Variants in TEX14 observed in about 807,000 individuals in gnomAD.
The protein encoded by TEX14 is testis expressed 14, intercellular bridge forming factor, also known as inactive serine/threonine-protein kinase TEX14.
In TEX14, 168 loss-of-function variants were observed where a neutral mutation model predicts 178.6. The ratio of observed to expected loss-of-function variants is 0.94; its 90% CI spans 0.83 to 1.07. TEX14 has a LOEUF of 1.07. Ranked by LOEUF, TEX14 falls within the 50% of genes least tolerant of loss-of-function variation. TEX14 has a pLI of 0.00. For synonymous variants in TEX14, 626 were observed against 634.1 expected, an observed-to-expected ratio of 0.99 and a Z score of 0.19; for missense variants, 1,730 against 1,753.6, an observed-to-expected ratio of 0.99 and a Z score of 0.24.
intron 1 of TEX14, among the ~76,000 whole-genome samples, chr17:58,654,882 T>C (rs1474849129): frequency 1.3e-5 from 2 of 151,914 alleles, no homozygotes; most frequent in Non-Finnish European, 1.5e-5. Flanking sequence ...CATTCTGTCC[T>C]AGAACACCCT....
rs780272938 is a variant in TEX14 at position 58,598,932 on chromosome 17, C to A, written c.2413G>T (p.Gly805Cys). 2 of 1,613,914 alleles carry A rather than the reference C, an allele frequency of 1.2e-6. No homozygotes were observed. The highest frequency in any genetic ancestry group is 1.7e-6 in the Non-Finnish European group (2 of 1,179,940). The change falls in exon 14 of 32, where the codon GGT (glycine) becomes TGT (cysteine). Residue 805 changes from glycine (G) to cysteine (C), a missense_variant. Gly to Cys is a radical substitution (Grantham distance 159, BLOSUM62 -3). Transcript: ENST00000349033. ...TTGCCACTGGTGTCTGGCTTCTGAC[C>A]CCCTGAAAGCTGTAGGACAGGAGGA... ...YIPPVLQLSG[G>C]QKPDTSGNYP...
chr17:58,617,614 G>A lies in TEX14; in HGVS notation c.560C>T (p.Pro187Leu). 1 of 1,610,500 alleles carries A rather than the reference G, an allele frequency of 6.2e-7. No individual in the cohort carries two copies. Among genetic ancestry groups the A allele is most frequent in the East Asian group, 2.2e-5 (1 of 44,830 alleles). ...AAGCAGTCGGTTAGGAGAGCCATTA[G>A]GGTTTCTAGAAATATTTAAAACAGG... ...SWCGGLVQGN[P>L]NGSPNRLLKA... The change falls in exon 6 of 32, where the codon CCT becomes CTT. Residue 187 changes from proline to leucine, a missense_variant. Pro to Leu is a moderately conservative substitution (Grantham distance 98). Around this residue, in one of 2 missense-constraint regions of TEX14, gnomAD observed 789 missense variants for 681.2 expected, o/e 1.16. Transcript: ENST00000349033.
intron 1 of TEX14, among the ~76,000 whole-genome samples, chr17:58,653,179 G>A (rs1457893746): frequency 3.9e-5 from 6 of 151,988 alleles, no homozygotes; most frequent in Admixed American, 3.9e-4. Flanking sequence ...CTTGTGATCC[G>A]CCTGCCTCAG....
At chr17:58,573,975 T>C (rs1170246441) in intron 22 of TEX14, among the ~76,000 whole-genome samples, 2 of 152,220 alleles carry the variant, frequency 1.3e-5, no homozygotes, top group African/African-American at 4.8e-5. Context: ...ATTATGATTA[T>C]TATTATCATC....
At chr17:58,665,032 A>G (rs1030087711) in intron 1 of TEX14, among the ~76,000 whole-genome samples, 1 of 152,206 alleles carries the variant, frequency 6.6e-6, no homozygotes. Flanking sequence ...TAATACAGCA[A>G]GGCTCTCTGG....
intron 11 of TEX14, among the ~76,000 whole-genome samples, chr17:58,602,874 T>C (rs1032238755): frequency 1.3e-5 from 2 of 150,760 alleles, no homozygotes; most frequent in Admixed American, 6.6e-5. Context: ...GAGACCGTCC[T>C]GGCCAACATG....
At chr17:58,564,595 CAAT>C (rs1468331099) in intron 28 of TEX14, among the ~76,000 whole-genome samples, 1 of 152,080 alleles carries the variant, frequency 6.6e-6, no homozygotes, top group African/African-American at 2.4e-5. Context: ...AGTTGCACAA[CAAT>C]GTGAATATAC....
chr17:58,623,091 A>T, intron 3 of TEX14, 79 bp from the exon 4 acceptor site: 1 of 1,353,396 alleles, frequency 7.4e-7, no homozygotes, highest in Non-Finnish European at 1.0e-6. Flanking sequence ...CGTGCAACAC[A>T]GGGCTCCCAT....
At chr17:58,676,150 C>G (rs2047391000) in intron 1 of TEX14, among the ~76,000 whole-genome samples, 1 of 152,068 alleles carries the variant, frequency 6.6e-6, no homozygotes, top group African/African-American at 2.4e-5. Flanking sequence ...CTGACGCAGG[C>G]AGATCACCTG....
intron 12 of TEX14, 45 bp downstream of exon 12, chr17:58,602,355 G>A (rs1427218578): frequency 1.3e-6 from 2 of 1,544,020 alleles, no homozygotes; most frequent in Non-Finnish European, 1.8e-6. Context: ...CTATTCTCCT[G>A]AGTTAGGTAA....
intron 19 of TEX14, chr17:58,581,714 G>A (rs1418827565): frequency 6.2e-7 from 1 of 1,612,606 alleles, no homozygotes. Context: ...TGAACAAGTT[G>A]ATTGCATGGA....
chr17:58,588,054 C>G, intron 15 of TEX14, 33 bp from the exon 16 acceptor site: 1 of 825,024 alleles, frequency 1.2e-6, no homozygotes, highest in Non-Finnish European at 2.1e-6. Flanking sequence ...TATAAGATCT[C>G]TAAGAGTATT....
At position 58,605,131 on chromosome 17, in the gene TEX14, T is replaced by C. The variant is rs1299860477; in HGVS notation, c.1185-2A>G. On this transcript the variant is annotated splice_acceptor_variant, in intron 10 of 31. Transcript: ENST00000349033. LOFTEE classifies it high-confidence loss of function. ...TCCCTCTGTACACCTCTGTCCTCGC[T>C]ACGGAAGGAAACTCACAAGTCAGCG... 2 of 1,613,722 alleles carry C rather than the reference T, an allele frequency of 1.2e-6. No homozygotes were observed. Among genetic ancestry groups the C allele is most frequent in the Admixed American group, 3.3e-5 (2 of 59,952 alleles).
rs1202091146 is a variant in TEX14 at position 58,581,426 on chromosome 17, T to A, written c.3172-1695A>T. 5.9e-5 allele frequency among the ~76,000 whole-genome samples: 9 copies of A among 152,030 alleles called. No individual in the cohort carries two copies. In the South Asian group the frequency reaches 1.7e-3, roughly 28 times the overall value. On this transcript the variant is annotated intron_variant, in intron 19 of 31. Coordinates refer to ENST00000349033, the MANE Select transcript of TEX14 (RefSeq NM_031272.5). ...CTTCCCATCCTCAAAAATAAAAAAA[T>A]TTTCAGATGTTTTTCAAAACACGTA...
intron 2 of TEX14, among the ~76,000 whole-genome samples, chr17:58,638,560 C>T (rs927852311): frequency 2.4e-4 from 36 of 151,916 alleles, no homozygotes; most frequent in South Asian, 6.2e-4. Context: ...TTTTCTGAGA[C>T]GGAGTTTCAC....
In TEX14 at chr17:58,654,570, G is replaced by A. The variant is rs376054407; in HGVS notation, c.-1-2568C>T. 3.7e-4 allele frequency among the ~76,000 whole-genome samples: 55 copies of A among 147,876 alleles called. 1 individual carries two copies. In the East Asian group the frequency reaches 9.9e-3, roughly 27 times the overall value. On this transcript the variant is annotated intron_variant, in intron 1 of 31. Transcript: ENST00000349033. ...TGCCCAGGCTGCAGTGTAGTGGCAC[G>A]ATCTCAGCTCACTGCAATCTCCACC...
chr17:58,647,340 G>A (rs1165637463), intron 2 of TEX14, among the ~76,000 whole-genome samples: 1 of 151,314 alleles, frequency 6.6e-6, no homozygotes, highest in Non-Finnish European at 1.5e-5. Context: ...GACCATGCTG[G>A]CTAACACGGT....
At chr17:58,607,821 TC>T (rs2045645466) in intron 10 of TEX14, among the ~76,000 whole-genome samples, 1 of 152,248 alleles carries the variant, frequency 6.6e-6, no homozygotes, top group Non-Finnish European at 1.5e-5. Context: ...AACTAGATCA[TC>T]CAATCATTTA....
intron 1 of TEX14, among the ~76,000 whole-genome samples, chr17:58,664,188 C>T (rs2047167755): frequency 6.6e-6 from 1 of 152,188 alleles, no homozygotes; most frequent in African/African-American, 2.4e-5. Flanking sequence ...ATTGAACTAC[C>T]TTCCTAATTT....
Sources: gnomAD v4.1 joint callset for allele counts (sites outside exome capture counted in the v4.1 genomes callset) on GRCh38, gnomAD v4.1.1 for gene constraint, gnomAD v4.1.1 regional missense constraint, MANE v1.5 for transcripts, NCBI Gene and HGNC (gene_info 2026-07-23, HGNC 2026-07-21) for gene names.